CYP17A1: variants seen among roughly 807,000 people sequenced by gnomAD.
CYP17A1 encodes cytochrome P450 family 17 subfamily A member 1, also known as steroid 17-alpha-hydroxylase/17,20 lyase.
A neutral mutation model predicts 38.5 loss-of-function variants in CYP17A1; 27 were observed. That is an observed-to-expected ratio of 0.70 (90% confidence interval 0.52 to 0.97). The LOEUF (loss-of-function observed/expected upper bound fraction) is 0.97. CYP17A1 is among the 50% of genes least tolerant of loss of function. The probability of loss-of-function intolerance (pLI) is 0.00; values close to 1 mark genes in which losing one functional copy is unlikely to be tolerated. For missense variants in CYP17A1, 549 were observed against 645.9 expected (o/e 0.85, Z 1.63); for synonymous variants, 263 against 253.3 (o/e 1.04, Z -0.36).
At chr10:102,832,378 A>ATGATTT (rs959737696) in intron 6 of CYP17A1, 133 bp downstream of exon 6, 24 of 735,442 alleles carry the variant, frequency 3.3e-5, no homozygotes, top group Non-Finnish European at 5.7e-5. Context: ...GGCCGGCAGG[A>ATGATTT]TGATTTTTAG....
rs1341249433 is a variant in CYP17A1, at chr10:102,834,814, TG to T, written c.636del (p.Asp212GlufsTer6). 3.7e-6 allele frequency: 6 copies of T among 1,614,158 alleles called. No homozygotes were observed. In the South Asian group the frequency reaches 6.6e-5, roughly 18 times the overall value. ...AACCAGGGGACTAGGTCCACCAGGCTGTCTTTGCTCAGGTTGTCTATGATGC... is the reference window on the plus strand; with the variant it reads ...AACCAGGGGACTAGGTCCACCAGGCTTCTTTGCTCAGGTTGTCTATGATGC... Reference protein sequence around the residue: ...NEGIIDNLSKDSLVDLVPWLK... With the variant: ...NEGIIDNLSKXSLVDLVPWLK... On this transcript the variant is annotated frameshift_variant, in exon 3 of 8. Transcript: ENST00000369887. LOFTEE classifies it high-confidence loss of function.
At position 102,833,106 on chromosome 10, in the gene CYP17A1, G is replaced by T; in HGVS notation, c.856C>A (p.Leu286Met). The stretch of plus-strand genomic sequence containing the variant: ...GTGAGAATGTGGTTATCTGAAAGCA[G>T]CTCTGAGTCTTGATCTGGGCCAGCA... ...GNAGPDQDSE[L>M]LSDNHILTTI... is the part of the protein sequence containing the mutation. Residue 286 changes from leucine to methionine, a missense_variant, in exon 5 of 8, where the codon CTG becomes ATG. Physicochemically the swap from Leu to Met is conservative, Grantham distance 15. Coordinates refer to ENST00000369887, the MANE Select transcript of CYP17A1 (RefSeq NM_000102.4). The T allele has an allele frequency of 6.2e-7, 1 of 1,614,202 alleles. No individual in the cohort carries two copies. The highest frequency in any genetic ancestry group is 1.1e-5 in the South Asian group (1 of 91,084).
rs1844135582 is a variant in CYP17A1, at chr10:102,834,620, C to CA, written c.666+164dup. 3 of 894,106 alleles carry CA rather than the reference C, an allele frequency of 3.4e-6. No homozygotes were observed. The Admixed American group carries it at 6.2e-5, about 18-fold the overall frequency. 55.4% of individuals were successfully genotyped at this position (894,106 alleles called of 1,614,324 possible). On this transcript the variant is annotated intron_variant, in intron 3 of 7. Transcript: ENST00000369887. ...AATTAAAAGGCTAAATCTATCTCTGCAGAGAAATGGCAAAGGTTTTAAGTG... is the reference window on the plus strand; with the variant it reads ...AATTAAAAGGCTAAATCTATCTCTGCAAGAGAAATGGCAAAGGTTTTAAGTG...
intron 4 of CYP17A1, 143 bp from the exon 5 acceptor site, chr10:102,833,351 T>A (rs538937445): frequency 1.3e-6 from 2 of 1,524,732 alleles, no homozygotes; most frequent in Non-Finnish European, 8.8e-7. Context: ...TACGAACTTG[T>A]GGAGGTAGGA....
chr10:102,831,631 G>A lies in CYP17A1; in HGVS notation c.1140-20C>T. The A allele has an allele frequency of 6.2e-7, 1 of 1,612,698 alleles. No individual in the cohort carries two copies. Among genetic ancestry groups the A allele is most frequent in the Non-Finnish European group, 8.5e-7 (1 of 1,179,936 alleles). ...CCGATGCTGCTCCAGAGTGGAAGAG[G>A]AAAAGTGGGTCTGGGACTTCGTACT... On this transcript the variant is annotated intron_variant, in intron 6 of 7. Transcript: ENST00000369887.
At chr10:102,835,090 C>A (rs903593909) in intron 2 of CYP17A1, 76 bp from the exon 3 acceptor site, 3 of 1,144,518 alleles carry the variant, frequency 2.6e-6, no homozygotes, top group East Asian at 2.3e-5. Context: ...TGCCTCTTAA[C>A]AGGAGCGGGG....
chr10:102,831,610 T>TC lies in CYP17A1; in HGVS notation c.1140_1141insG (p.Ile381AspfsTer3). ...CCCTTGTCCACAGCAAACTCACCGA[T>TC]GCTGCTCCAGAGTGGAAGAGGAAAA... On this transcript the variant is annotated frameshift_variant and splice_region_variant, in exon 7 of 8. Coordinates refer to ENST00000369887, the MANE Select transcript of CYP17A1 (RefSeq NM_000102.4). LOFTEE classifies it high-confidence loss of function. 6.2e-7 allele frequency: 1 copy of TC among 1,613,720 alleles called. No individual in the cohort carries two copies. Among genetic ancestry groups the TC allele is most frequent in the Non-Finnish European group, 8.5e-7 (1 of 1,180,026 alleles).
chr10:102,830,574 C>A lies in CYP17A1; in HGVS notation c.*128G>T. ...TGTTTATGCACATCACTGGCATTGC[C>A]ACAAGCTGAAAAAGAAGGCAGAGTG... On this transcript the variant is annotated 3_prime_UTR_variant, in exon 8 of 8. Transcript: ENST00000369887. This position sits in a 1 kb window ranked among gnomAD's most constrained non-coding sequence, Gnocchi z 4.1. The A allele has an allele frequency of 1.5e-6, 1 of 660,400 alleles. No homozygotes were observed. The highest frequency in any genetic ancestry group is 2.7e-6 in the Non-Finnish European group (1 of 366,992). 40.9% of individuals were successfully genotyped at this position (660,400 alleles called of 1,614,324 possible).
At chr10:102,833,338 AC>A (rs1014470475) in intron 4 of CYP17A1, 130 bp from the exon 5 acceptor site, 1 of 1,553,258 alleles carries the variant, frequency 6.4e-7, no homozygotes, top group African/African-American at 1.4e-5. Flanking sequence ...TCTGGGCAGG[AC>A]CTACGAACTT....
intron 2 of CYP17A1, 43 bp from the exon 3 acceptor site, chr10:102,835,057 C>A (rs1162632821): frequency 7.8e-7 from 1 of 1,274,022 alleles, no homozygotes. Context: ...GAATCAGCAC[C>A]CTTACCCCCT....
chr10:102,835,615 A>G (rs976046546), intron 1 of CYP17A1: 7 of 589,608 alleles, frequency 1.2e-5, no homozygotes, highest in Non-Finnish European at 2.1e-5. Flanking sequence ...CAGTAGATCA[A>G]GGAGAAAGAA....
rs766674965 is a variant in CYP17A1 at position 102,833,082 on chromosome 10, T to A, written c.880A>T (p.Thr294Ser). The A allele has an allele frequency of 6.2e-7, 1 of 1,613,966 alleles. No homozygotes were observed. Residue 294 changes from threonine to serine, a missense_variant, in exon 5 of 8, where the codon ACC becomes TCC. This residue lies in a region of CYP17A1 where 257 missense variants were observed against 307.9 expected (regional missense o/e 0.83). Transcript: ENST00000369887. ...GCCCCAAAGATGTCCCCTATGGTGG[T>A]GAGAATGTGGTTATCTGAAAGCAGC... ...SELLSDNHILTTIGDIFGAGV... is the reference protein window; with the variant it reads ...SELLSDNHILSTIGDIFGAGV...
chr10:102,836,917 G>T, intron 1 of CYP17A1, 148 bp downstream of exon 1: 1 of 724,690 alleles, frequency 1.4e-6, no homozygotes, highest in Non-Finnish European at 2.5e-6. Flanking sequence ...GGGTCTGAAG[G>T]TTCACTCCCT....
rs1398304295 is a variant in CYP17A1 at position 102,837,266 on chromosome 10, C to G, written c.96G>C (p.Leu32=). The change falls in exon 1 of 8, where the codon CTG becomes CTC. Residue 32 remains leucine (L), a synonymous_variant. Coordinates refer to ENST00000369887, the MANE Select transcript of CYP17A1 (RefSeq NM_000102.4). ...GCAGGCTGCCCACCAGGGGCAGGGA[C>G]AGGAGGCTCTTGGGGTACTTGGCAC... ...CPGAKYPKSL[L]SLPLVGSLPF... 6.2e-7 allele frequency: 1 copy of G among 1,603,334 alleles called. No individual in the cohort carries two copies. Among genetic ancestry groups the G allele is most frequent in the Non-Finnish European group, 8.5e-7 (1 of 1,170,150 alleles).
At position 102,830,645 on chromosome 10, in the gene CYP17A1, C is replaced by T; in HGVS notation, c.*57G>A. On this transcript the variant is annotated 3_prime_UTR_variant, in exon 8 of 8. Coordinates refer to ENST00000369887, the MANE Select transcript of CYP17A1 (RefSeq NM_000102.4). This position sits in a 1 kb window ranked among gnomAD's most constrained non-coding sequence, Gnocchi z 4.1. ...GGCGGAGAAGGGTGGGGGGTTGTAT[C>T]TCTAAATCTGTGTTGTGGGGCCACA... 1 of 975,202 alleles carries T rather than the reference C, an allele frequency of 1.0e-6. No homozygotes were observed. Among genetic ancestry groups the T allele is most frequent in the South Asian group, 1.4e-5 (1 of 73,588 alleles). 60.4% of individuals were successfully genotyped at this position (975,202 alleles called of 1,614,324 possible).
At chr10:102,831,685 C>A in intron 6 of CYP17A1, 74 bp from the exon 7 acceptor site, 1 of 1,594,568 alleles carries the variant, frequency 6.3e-7, no homozygotes, top group South Asian at 1.1e-5. Context: ...CATGCCCCCT[C>A]ATTCTTCCGC....
chr10:102,834,688 G>A, intron 3 of CYP17A1, 97 bp downstream of exon 3: 1 of 1,566,912 alleles, frequency 6.4e-7, no homozygotes, highest in Middle Eastern at 2.1e-4. Context: ...GAAAAAGATG[G>A]GTCATTGCGG....
rs148877970 is a variant in CYP17A1, at chr10:102,831,507, C to A, written c.1243+1G>T. ...CAGGGCGCAGGACAGGACAGACTCA[C>A]CAGGCATGAACTGATCCGGCTGGTG... is the stretch of plus-strand genomic sequence containing the variant. On this transcript the variant is annotated splice_donor_variant, in intron 7 of 7. Coordinates refer to ENST00000369887, the MANE Select transcript of CYP17A1 (RefSeq NM_000102.4). LOFTEE classifies it high-confidence loss of function. 1 of 1,613,872 alleles carries A rather than the reference C, an allele frequency of 6.2e-7. No homozygotes were observed. The highest frequency in any genetic ancestry group is 1.3e-5 in the African/African-American group (1 of 75,002).
At chr10:102,832,866 G>T in intron 5 of CYP17A1, 127 bp downstream of exon 5, 1 of 1,527,430 alleles carries the variant, frequency 6.5e-7, no homozygotes, top group Non-Finnish European at 8.9e-7. Context: ...GCCAACTACT[G>T]CTTGGGTAAG....
Sources: gnomAD v4.1 joint callset for allele counts on GRCh38, gnomAD v4.1.1 for gene constraint, gnomAD v4.1.1 regional missense constraint, Gnocchi (gnomAD v3.1) non-coding constraint, MANE v1.5 for transcripts, NCBI Gene and HGNC (gene_info 2026-07-23, HGNC 2026-07-21) for gene names.